Variants in EYA4 observed in about 807,000 individuals in gnomAD.
The protein encoded by EYA4 is EYA transcriptional coactivator and phosphatase 4.
A neutral mutation model predicts 87.9 loss-of-function variants in EYA4; 31 were observed. The ratio of observed to expected loss-of-function variants is 0.35; its 90% CI spans 0.27 to 0.48. The LOEUF is 0.48. Among genes scored for constraint, EYA4 ranks in the 20% least tolerant of loss-of-function variants. The probability of loss-of-function intolerance (pLI) is 0.99; values close to 1 mark genes in which losing one functional copy is unlikely to be tolerated. For missense variants in EYA4, 678 were observed against 761.4 expected, an observed-to-expected ratio of 0.89 and a Z score of 1.29; for synonymous variants, 263 against 270.6, an observed-to-expected ratio of 0.97 and a Z score of 0.28.
At chr6:133,443,298 A>G (rs1792491525) in intron 3 of EYA4, among the ~76,000 whole-genome samples, 1 of 151,996 alleles carries the variant, frequency 6.6e-6, no homozygotes, top group Non-Finnish European at 1.5e-5. Context: ...ATTTAATTAT[A>G]AATTAAGTTT....
At chr6:133,344,769 A>G (rs979359051) in intron 2 of EYA4, among the ~76,000 whole-genome samples, 4 of 152,160 alleles carry the variant, frequency 2.6e-5, no homozygotes, top group South Asian at 2.1e-4. Flanking sequence ...TTTGATACAT[A>G]TTCTTTTAAT....
At chr6:133,445,639 C>T (rs1454340192) in intron 3 of EYA4, among the ~76,000 whole-genome samples, 1 of 150,612 alleles carries the variant, frequency 6.6e-6, no homozygotes, top group Non-Finnish European at 1.5e-5. Flanking sequence ...AGTGCAGTGG[C>T]GCAATCTCCA....
chr6:133,440,147 GA>G (rs1406035315), intron 3 of EYA4, among the ~76,000 whole-genome samples: 1 of 152,148 alleles, frequency 6.6e-6, no homozygotes, highest in Admixed American at 6.5e-5. Context: ...CAAGTAATTT[GA>G]ACAACTCTTT....
chr6:133,445,185 T>C (rs1792689780), intron 3 of EYA4, among the ~76,000 whole-genome samples: 1 of 152,168 alleles, frequency 6.6e-6, no homozygotes, highest in Non-Finnish European at 1.5e-5. Context: ...AATATAACAC[T>C]TCATGCCAAA....
Position 133,529,283 on chromosome 6 carries a change from A to T in EYA4, c.*478A>T. 1.0e-6 allele frequency: 1 copy of T among 990,998 alleles called. No homozygotes were observed. The allele number at this position is 990,998 out of a possible 1,614,324, so 61.4% of individuals were successfully genotyped here. ...AAGGACAGTCCTATTTAGACATGTA[A>T]TTTGTGTAAATTATTGATGAAAATA... is the stretch of plus-strand genomic sequence containing the variant. On this transcript the variant is annotated 3_prime_UTR_variant, in exon 20 of 20. Transcript: ENST00000355286.
At chr6:133,242,827 C>CA (rs1353629878) in intron 1 of EYA4, among the ~76,000 whole-genome samples, 1 of 152,140 alleles carries the variant, frequency 6.6e-6, no homozygotes, top group Non-Finnish European at 1.5e-5. Context: ...TTCACCACCA[C>CA]CCCTCTTTCT....
chr6:133,437,413 T>G (rs1791791533), intron 3 of EYA4, among the ~76,000 whole-genome samples: 1 of 152,210 alleles, frequency 6.6e-6, no homozygotes, highest in Non-Finnish European at 1.5e-5. Context: ...GTGCTGCTAC[T>G]TTCTATCTGT....
chr6:133,421,921 G>A (rs1469839706), intron 3 of EYA4, among the ~76,000 whole-genome samples: 1 of 152,158 alleles, frequency 6.6e-6, no homozygotes, highest in Non-Finnish European at 1.5e-5. Context: ...TTATAATGGG[G>A]TTTTGAAGAT....
chr6:133,265,683 G>A (rs1339254692), intron 1 of EYA4, among the ~76,000 whole-genome samples: 6 of 151,998 alleles, frequency 3.9e-5, no homozygotes, highest in Admixed American at 6.6e-5. Context: ...AAAAATTCAC[G>A]TTACCATAAA....
intron 3 of EYA4, among the ~76,000 whole-genome samples, chr6:133,408,761 T>C (rs1389340076): frequency 6.6e-6 from 1 of 152,206 alleles, no homozygotes; most frequent in African/African-American, 2.4e-5. Flanking sequence ...CAGTGAGTGT[T>C]AGTCATGATG....
chr6:133,317,869 C>T lies in EYA4; in HGVS notation c.33+43056C>T, dbSNP rs113094416. ...TCCTCCCATGCCCGCATCCAGGCATCCACAGATTCACCCATCCCTCCATCC... is the reference window on the plus strand; with the variant it reads ...TCCTCCCATGCCCGCATCCAGGCATTCACAGATTCACCCATCCCTCCATCC... On this transcript the variant is annotated intron_variant, in intron 2 of 19. Coordinates refer to ENST00000355286, the MANE Select transcript of EYA4 (RefSeq NM_004100.5). Among the ~76,000 whole-genome samples, 623 of 151,708 alleles carry T rather than the reference C, an allele frequency of 4.1e-3. 2 individuals are homozygous for T. Among genetic ancestry groups the T allele is most frequent in the Middle Eastern group, 0.021 (6 of 292 alleles).
intron 5 of EYA4, among the ~76,000 whole-genome samples, chr6:133,455,803 T>C (rs1793848337): frequency 6.6e-6 from 1 of 152,162 alleles, no homozygotes; most frequent in Non-Finnish European, 1.5e-5. Flanking sequence ...GGTAAAACTT[T>C]ATTCTCACGC....
chr6:133,359,500 A>C (rs1003443880), intron 2 of EYA4, among the ~76,000 whole-genome samples: 1 of 152,112 alleles, frequency 6.6e-6, no homozygotes, highest in African/African-American at 2.4e-5. Context: ...GATTTCAGCA[A>C]TTCCCTTATC....
rs185046154 is a variant in EYA4 at position 133,287,738 on chromosome 6, G to A, written c.33+12925G>A. 1.0e-3 allele frequency among the ~76,000 whole-genome samples: 155 copies of A among 152,312 alleles called. 1 individual carries two copies. Among genetic ancestry groups the A allele is most frequent in the South Asian group, 1.9e-3 (9 of 4,826 alleles). On this transcript the variant is annotated intron_variant, in intron 2 of 19. Transcript: ENST00000355286. ...TAATATATTTAAAATGATGTTTTAG[G>A]AAAATTAACCAGATGGTAGGGAGAT... is the stretch of plus-strand genomic sequence containing the variant.
At chr6:133,246,669 G>A (rs1053943498) in intron 1 of EYA4, among the ~76,000 whole-genome samples, 2 of 152,012 alleles carry the variant, frequency 1.3e-5, no homozygotes, top group Non-Finnish European at 2.9e-5. Flanking sequence ...AGTGGTCACT[G>A]TAGTCTTTAG....
At chr6:133,243,089 C>CGTGTGTGTGTGTGTGTGTGTGTGTGTGT (rs3065226) in intron 1 of EYA4, among the ~76,000 whole-genome samples, 2 of 145,372 alleles carry the variant, frequency 1.4e-5, no homozygotes, top group African/African-American at 5.1e-5. Context: ...GGAGCAACTT[C>CGTGTGTGTGTGTGTGTGTGTGTGTGTGT]GTGTGTGTGT....
intron 2 of EYA4, among the ~76,000 whole-genome samples, chr6:133,299,018 C>T (rs1779159714): frequency 6.6e-6 from 1 of 152,142 alleles, no homozygotes. Context: ...TTTCCTAGCA[C>T]TGTAGTGCTT....
At chr6:133,289,548 A>G (rs1294406943) in intron 2 of EYA4, among the ~76,000 whole-genome samples, 1 of 152,234 alleles carries the variant, frequency 6.6e-6, no homozygotes, top group African/African-American at 2.4e-5. Context: ...TTAAGAAGAT[A>G]AAGGGGAAAA....
chr6:133,384,088 G>T (rs1236410656), intron 3 of EYA4, among the ~76,000 whole-genome samples: 1 of 152,074 alleles, frequency 6.6e-6, no homozygotes, highest in Admixed American at 6.5e-5. Flanking sequence ...TTAGCTTTGA[G>T]GCTACTCAGG....
Sources: allele counts gnomAD v4.1 joint callset (sites outside exome capture counted in the v4.1 genomes callset), GRCh38; gene constraint gnomAD v4.1.1; transcripts MANE v1.5; gene names NCBI Gene and HGNC (gene_info 2026-07-23, HGNC 2026-07-21).